The following RAE1 variants were observed in gnomAD, a reference collection of about 807,000 sequenced individuals.
RAE1 encodes the protein mRNA export factor RAE1.
Under a neutral mutation model 52.7 loss-of-function variants are expected in RAE1, and 13 were observed. That is an observed-to-expected ratio of 0.25 (90% confidence interval 0.16 to 0.39). The LOEUF is 0.39. Among genes scored for constraint, RAE1 ranks in the 10% least tolerant of loss-of-function variants. RAE1 has a pLI of 1.00. For missense variants in RAE1, 262 were observed against 459.8 expected (o/e 0.57, Z 3.93); for synonymous variants, 164 against 153.1 (o/e 1.07, Z -0.52).
intron 4 of RAE1, among the ~76,000 whole-genome samples, chr20:57,364,907 T>C (rs2066934166): frequency 6.6e-6 from 1 of 152,232 alleles, no homozygotes. Context: ...ATGTGTTTTG[T>C]ATATAGAGAG....
rs764372763 is a variant in RAE1, at chr20:57,368,683, T to C, written c.535-22T>C. 16 of 1,547,572 alleles carry C rather than the reference T, an allele frequency of 1.0e-5. No individual in the cohort carries two copies. The East Asian group carries it at 3.6e-4, about 35-fold the overall frequency. On this transcript the variant is annotated intron_variant, in intron 7 of 11. Transcript: ENST00000395841. Reference sequence around the variant, plus strand: ...CACACTCCTTCACCTGAAGCGCATCTCTGTTTTCTTCCATTCCCTAGATAT... The same window carrying C: ...CACACTCCTTCACCTGAAGCGCATCCCTGTTTTCTTCCATTCCCTAGATAT...
intron 1 of RAE1, chr20:57,351,924 G>A: frequency 7.1e-6 from 7 of 985,514 alleles, no homozygotes; most frequent in Non-Finnish European, 7.2e-6. Flanking sequence ...CTCCAGGCAA[G>A]TAGTATTAAA....
chr20:57,357,808 G>C (rs1485281410), intron 4 of RAE1: 3 of 150,082 alleles, frequency 2.0e-5, no homozygotes, highest in Non-Finnish European at 4.4e-5. Flanking sequence ...GTTAGTTTCT[G>C]CTAGTGTGGG....
At chr20:57,363,808 G>T (rs1440235094) in intron 4 of RAE1, among the ~76,000 whole-genome samples, 2 of 152,144 alleles carry the variant, frequency 1.3e-5, no homozygotes, top group East Asian at 1.9e-4. Flanking sequence ...ATCAAAGTAG[G>T]CAAAACCTAC....
At chr20:57,354,645 G>A in intron 2 of RAE1, 67 bp from the exon 3 acceptor site, 1 of 1,211,652 alleles carries the variant, frequency 8.3e-7, no homozygotes. Flanking sequence ...TAATTAGTGA[G>A]AAAGAAAACA....
intron 1 of RAE1, among the ~76,000 whole-genome samples, chr20:57,352,853 C>G (rs1267026836): frequency 6.6e-6 from 1 of 152,200 alleles, no homozygotes; most frequent in African/African-American, 2.4e-5. Context: ...CTTGTCATGC[C>G]TTTGTTCGTT....
In RAE1 at chr20:57,351,389, C is replaced by T; in HGVS notation, c.-41C>T. ...CAAACTCCTCAGACCCTTCTGCTCCCGGCCGCCGCTTTCCGCCGGGGCGAG... is the reference window on the plus strand; with the variant it reads ...CAAACTCCTCAGACCCTTCTGCTCCTGGCCGCCGCTTTCCGCCGGGGCGAG... On this transcript the variant is annotated 5_prime_UTR_variant, in exon 1 of 12. Transcript: ENST00000395841. 1 of 985,508 alleles carries T rather than the reference C, an allele frequency of 1.0e-6. No individual in the cohort carries two copies. The allele number at this position is 985,508 out of a possible 1,614,324, so 61.0% of individuals were successfully genotyped here.
intron 2 of RAE1, 48 bp from the exon 3 acceptor site, chr20:57,354,664 T>A: frequency 7.4e-7 from 1 of 1,354,470 alleles, no homozygotes. Flanking sequence ...CAATTTGGAA[T>A]GAAGTTGTGA....
chr20:57,367,229 C>T, intron 7 of RAE1, 150 bp downstream of exon 7: 1 of 706,500 alleles, frequency 1.4e-6, no homozygotes, highest in Non-Finnish European at 2.3e-6. Flanking sequence ...GAGATTGCCT[C>T]AGTCGTCTCC....
chr20:57,351,855 C>G (rs1181470185), intron 1 of RAE1: 2 of 985,332 alleles, frequency 2.0e-6, no homozygotes, highest in Admixed American at 6.1e-5. Flanking sequence ...CTGTTTCTGT[C>G]TTAGCCCGCC....
intron 1 of RAE1, among the ~76,000 whole-genome samples, chr20:57,353,029 C>T (rs960875546): frequency 4.6e-5 from 7 of 152,214 alleles, no homozygotes. Flanking sequence ...ACTCAAATGC[C>T]TTCCCCAAAT....
chr20:57,356,381 A>T, intron 3 of RAE1, 65 bp from the exon 4 acceptor site: 1 of 1,285,228 alleles, frequency 7.8e-7, no homozygotes, highest in South Asian at 1.3e-5. Context: ...ATTAGTTTTT[A>T]GGTGTTAAAT....
chr20:57,361,892 A>G (rs1331936471), intron 4 of RAE1, among the ~76,000 whole-genome samples: 1 of 152,218 alleles, frequency 6.6e-6, no homozygotes, highest in East Asian at 1.9e-4. Context: ...CCTGTTAGGA[A>G]CTAAGCTGCA....
At position 57,356,458 on chromosome 20, in the gene RAE1, G is replaced by A. The variant is rs2066788552; in HGVS notation, c.208G>A (p.Glu70Lys). ...GSWANDVRCWEVQDSGQTIPK... is the reference protein window; with the variant it reads ...GSWANDVRCWKVQDSGQTIPK... Reference sequence around the variant, plus strand: ...TTTGTTACTACAGGTTCGCTGCTGGGAAGTTCAAGACAGTGGACAGACCAT... The same window carrying A: ...TTTGTTACTACAGGTTCGCTGCTGGAAAGTTCAAGACAGTGGACAGACCAT... The change falls in exon 4 of 12, where the codon GAA (glutamate) becomes AAA (lysine). Residue 70 changes from glutamate to lysine, a missense_variant. By Grantham distance (56) the Glu-to-Lys change is moderately conservative. Coordinates refer to ENST00000395841, the MANE Select transcript of RAE1 (RefSeq NM_003610.4). The A allele has an allele frequency of 6.2e-7, 1 of 1,612,052 alleles. No homozygotes were observed.
Position 57,354,771 on chromosome 20 carries a change from A to G in RAE1, c.150A>G (p.Pro50=), listed in dbSNP as rs1197608865. The change falls in exon 3 of 12, where the codon CCA becomes CCG. Residue 50 remains proline, a synonymous_variant. Transcript: ENST00000395841. The part of the protein sequence containing the change: ...DSIGCLSFSP[P]TLPGNFLIAG... ...TTGGTTGTCTGTCTTTTAGCCCACCAACCTTGCCGGGGAACTTTCTTATTG... is the reference window on the plus strand; with the variant it reads ...TTGGTTGTCTGTCTTTTAGCCCACCGACCTTGCCGGGGAACTTTCTTATTG... 6.2e-7 allele frequency: 1 copy of G among 1,605,018 alleles called. No individual in the cohort carries two copies. The highest frequency in any genetic ancestry group is 8.5e-7 in the Non-Finnish European group (1 of 1,176,324).
At chr20:57,358,716 G>T in intron 4 of RAE1, 1 of 318,022 alleles carries the variant, frequency 3.1e-6, no homozygotes, top group East Asian at 4.8e-5. Context: ...TTGTCGATAT[G>T]GACTCTAGTA....
chr20:57,376,362 G>A (rs780465343), intron 11 of RAE1, among the ~76,000 whole-genome samples: 2 of 152,130 alleles, frequency 1.3e-5, no homozygotes, highest in African/African-American at 4.8e-5. Context: ...TCATCTCCCC[G>A]AAAGGTTTTT....
intron 4 of RAE1, among the ~76,000 whole-genome samples, chr20:57,361,119 A>G (rs946419816): frequency 1.2e-4 from 18 of 151,832 alleles, no homozygotes; most frequent in Non-Finnish European, 2.2e-4. Flanking sequence ...AGAAAGAAAT[A>G]GAAATAGTTG....
rs1185809798 is a variant in RAE1 at position 57,378,123 on chromosome 20, A to G, written c.*24A>G. On this transcript the variant is annotated 3_prime_UTR_variant, in exon 12 of 12. Transcript: ENST00000395841. ...AGTGGCTGGAGACTCTGGCTCAGCC[A>G]GAGTTGTTTCTCTCCACTCTGCCTC... The G allele has an allele frequency of 3.2e-6, 5 of 1,570,716 alleles. No homozygotes were observed. The highest frequency in any genetic ancestry group is 4.4e-6 in the Non-Finnish European group (5 of 1,147,794).
Sources: gnomAD v4.1 joint callset for allele counts (sites outside exome capture counted in the v4.1 genomes callset) on GRCh38, gnomAD v4.1.1 for gene constraint, MANE v1.5 for transcripts, NCBI Gene and HGNC (gene_info 2026-07-23, HGNC 2026-07-21) for gene names.